Variants in CCDC150 observed in about 807,000 individuals in gnomAD.
CCDC150 encodes coiled-coil domain containing 150.
A neutral mutation model predicts 156.5 loss-of-function variants in CCDC150; 151 were observed. The ratio of observed to expected loss-of-function variants is 0.97; its 90% confidence interval spans 0.85 to 1.10. The LOEUF is 1.10. Ranked by LOEUF, CCDC150 falls within the 50% of genes least tolerant of loss-of-function variation. CCDC150 has a pLI of 0.00. For missense variants in CCDC150, 1,312 were observed against 1,268.1 expected (o/e 1.03, Z -0.53); for synonymous variants, 452 against 429.4 (o/e 1.05, Z -0.65).
chr2:196,665,384 A>G (rs946774863), intron 5 of CCDC150, among the ~76,000 whole-genome samples, 183 bp from the exon 6 acceptor site: 3 of 152,232 alleles, frequency 2.0e-5, no homozygotes, highest in Admixed American at 1.3e-4. Context: ...TTTGATCTAC[A>G]TTCCTTAGGA....
chr2:196,720,701 G>T, intron 20 of CCDC150, 33 bp downstream of exon 20: 1 of 1,559,114 alleles, frequency 6.4e-7, no homozygotes, highest in Non-Finnish European at 8.8e-7. Flanking sequence ...TGATAACATT[G>T]ATATTTTTAG....
chr2:196,721,428 TTGA>T, intron 20 of CCDC150, 91 bp from the exon 21 acceptor site: 1 of 904,196 alleles, frequency 1.1e-6, no homozygotes. Context: ...TCAATGGTAC[TTGA>T]TGATAGAATG....
chr2:196,660,366 T>C (rs1693491470), intron 5 of CCDC150, among the ~76,000 whole-genome samples: 1 of 152,218 alleles, frequency 6.6e-6, no homozygotes, highest in Admixed American at 6.5e-5. Context: ...GGTAAGCCTA[T>C]GTTTAGCTTT....
At chr2:196,643,615 G>A (rs1692366849) in intron 1 of CCDC150, among the ~76,000 whole-genome samples, 1 of 152,154 alleles carries the variant, frequency 6.6e-6, no homozygotes, top group African/African-American at 2.4e-5. Flanking sequence ...AAAATATGTG[G>A]GGGAGCTTCT....
At chr2:196,728,213 A>G (rs1451364592) in intron 22 of CCDC150, among the ~76,000 whole-genome samples, 1 of 152,184 alleles carries the variant, frequency 6.6e-6, no homozygotes, top group Non-Finnish European at 1.5e-5. Context: ...GTGCCTGAAC[A>G]TAATACTCAG....
intron 15 of CCDC150, among the ~76,000 whole-genome samples, chr2:196,706,613 A>G (rs895824625): frequency 3.9e-5 from 6 of 152,184 alleles, no homozygotes; most frequent in African/African-American, 1.4e-4. Flanking sequence ...AAATGCTTTC[A>G]GTTTTTGCCC....
intron 13 of CCDC150, among the ~76,000 whole-genome samples, chr2:196,690,962 T>G (rs568341722): frequency 1.3e-5 from 2 of 152,354 alleles, no homozygotes; most frequent in African/African-American, 2.4e-5. Flanking sequence ...ATTGAGATAA[T>G]CATGTGGTTT....
At chr2:196,695,772 C>T (rs1559250901) in intron 14 of CCDC150, among the ~76,000 whole-genome samples, 1 of 148,578 alleles carries the variant, frequency 6.7e-6, no homozygotes, top group East Asian at 2.0e-4. Flanking sequence ...GATCAGGCCA[C>T]TGCACTCCAA....
intron 17 of CCDC150, 32 bp downstream of exon 17, chr2:196,712,771 A>ACTT: frequency 6.5e-7 from 1 of 1,539,988 alleles, no homozygotes; most frequent in Non-Finnish European, 8.9e-7. Context: ...ACTTGTCAGC[A>ACTT]TGGTGGCTCT....
intron 8 of CCDC150, among the ~76,000 whole-genome samples, chr2:196,671,099 GTGT>G (rs1475800880): frequency 6.6e-6 from 1 of 152,068 alleles, no homozygotes; most frequent in African/African-American, 2.4e-5. Flanking sequence ...TTCACTCTTG[GTGT>G]TGTGCATTCT....
intron 5 of CCDC150, among the ~76,000 whole-genome samples, chr2:196,660,688 T>C (rs1693507208): frequency 6.6e-6 from 1 of 152,254 alleles, no homozygotes; most frequent in Non-Finnish European, 1.5e-5. Flanking sequence ...GACTTCTTTG[T>C]ATATTTTGGA....
chr2:196,642,762 C>T (rs1394860018), intron 1 of CCDC150, among the ~76,000 whole-genome samples: 1 of 151,954 alleles, frequency 6.6e-6, no homozygotes, highest in East Asian at 1.9e-4. Context: ...TTTTTAGAGA[C>T]AAGGTCTTGC....
intron 4 of CCDC150, among the ~76,000 whole-genome samples, chr2:196,658,311 G>A (rs1262765712): frequency 6.6e-6 from 1 of 152,124 alleles, no homozygotes; most frequent in African/African-American, 2.4e-5. Context: ...AGTAAAGAAG[G>A]CAAAGATGGC....
chr2:196,701,396 T>A (rs1696196424), intron 15 of CCDC150, among the ~76,000 whole-genome samples: 1 of 152,236 alleles, frequency 6.6e-6, no homozygotes, highest in Non-Finnish European at 1.5e-5. Context: ...AAACCCATTC[T>A]GTGACTATTT....
chr2:196,671,483 G>A (rs1261297765), intron 8 of CCDC150, among the ~76,000 whole-genome samples: 1 of 130,716 alleles, frequency 7.7e-6, no homozygotes, highest in Non-Finnish European at 1.6e-5. Flanking sequence ...AGGCTGGAGT[G>A]CATTGGCACT....
chr2:196,681,089 T>A (rs1694789069), intron 13 of CCDC150, among the ~76,000 whole-genome samples: 1 of 152,226 alleles, frequency 6.6e-6, no homozygotes, highest in African/African-American at 2.4e-5. Flanking sequence ...GGAAACCCTG[T>A]ACTAGTTAAG....
At chr2:196,723,781 T>G (rs536361925) in intron 21 of CCDC150, among the ~76,000 whole-genome samples, 1 of 152,248 alleles carries the variant, frequency 6.6e-6, no homozygotes, top group African/African-American at 2.4e-5. Flanking sequence ...TATCTACCAA[T>G]CATCCTCCAG....
chr2:196,669,808 A>C (rs767515900), intron 7 of CCDC150, 25 bp from the exon 8 acceptor site: 7 of 1,506,698 alleles, frequency 4.6e-6, no homozygotes, highest in Admixed American at 3.5e-5. Flanking sequence ...CTATTATCAT[A>C]GTTATGTGGA....
At chr2:196,694,291 G>A (rs1267472867) in intron 13 of CCDC150, among the ~76,000 whole-genome samples, 1 of 151,866 alleles carries the variant, frequency 6.6e-6, no homozygotes, top group Non-Finnish European at 1.5e-5. Context: ...CTTGACCTCA[G>A]GTGATCCACC....
Sources: allele counts gnomAD v4.1 joint callset (sites outside exome capture counted in the v4.1 genomes callset), GRCh38; gene constraint gnomAD v4.1.1; transcripts MANE v1.5; gene names NCBI Gene and HGNC (gene_info 2026-07-23, HGNC 2026-07-21).